The following TMEM232 variants were observed in gnomAD, a reference collection of about 807,000 sequenced individuals.
TMEM232 encodes transmembrane protein 232.
In TMEM232, 80 loss-of-function variants were observed where a neutral mutation model predicts 78.8. The ratio of observed to expected loss-of-function variants is 1.01; its 90% CI spans 0.85 to 1.22. The LOEUF (loss-of-function observed/expected upper bound fraction) is 1.22. TMEM232 is among the 50% of genes most tolerant of loss of function. The probability of loss-of-function intolerance (pLI) is 0.00; values close to 1 mark genes in which losing one functional copy is unlikely to be tolerated. For synonymous variants in TMEM232, 297 were observed against 254.3 expected (o/e 1.17, Z -1.60); for missense variants, 881 against 742.2 (o/e 1.19, Z -2.17).
At chr5:110,537,269 G>A (rs996584532) in intron 11 of TMEM232, among the ~76,000 whole-genome samples, 1 of 150,362 alleles carries the variant, frequency 6.7e-6, no homozygotes, top group Non-Finnish European at 1.5e-5. Flanking sequence ...ATAATCTAAA[G>A]AGAAAACTTA....
In TMEM232 at chr5:110,638,324, G is replaced by A; in HGVS notation, c.375C>T (p.Asp125=). The A allele has an allele frequency of 1.3e-6, 2 of 1,548,910 alleles. No homozygotes were observed. The highest frequency in any genetic ancestry group is 8.7e-7 in the Non-Finnish European group (1 of 1,145,944). ...GATGATCATAATCAAAGGAAGCATG[G>A]TCCAGAGATGCATAAAGCATATTTA... The part of the protein sequence containing the change: ...ESLNMLYASL[D]HASFDYDHLP... Residue 125 remains aspartate (D), a synonymous_variant, in exon 5 of 14, where the codon GAC becomes GAT. Transcript: ENST00000455884.
At chr5:110,412,331 T>C (rs1475146727) in intron 2 of TMEM232, among the ~76,000 whole-genome samples, 3 of 152,206 alleles carry the variant, frequency 2.0e-5, no homozygotes, top group Admixed American at 6.5e-5. Context: ...GGAAAGTTAT[T>C]GCCAAATCCA....
At chr5:110,451,250 CTCTT>C (rs957256119) in intron 12 of TMEM232, among the ~76,000 whole-genome samples, 6 of 152,156 alleles carry the variant, frequency 3.9e-5, no homozygotes, top group African/African-American at 1.2e-4. Flanking sequence ...GTGCATCTAT[CTCTT>C]TCTTTAAATC....
chr5:110,587,691 A>ATATATATG (rs1209205049), intron 10 of TMEM232, among the ~76,000 whole-genome samples: 120 of 63,098 alleles, frequency 1.9e-3, no homozygotes, highest in Non-Finnish European at 2.6e-3. Context: ...ATATATATAT[A>ATATATATG]TGTGTGTGTG....
At chr5:110,574,068 G>T (rs1777280620) in intron 10 of TMEM232, among the ~76,000 whole-genome samples, 1 of 151,858 alleles carries the variant, frequency 6.6e-6, no homozygotes, top group African/African-American at 2.4e-5. Context: ...TAAGATGCTT[G>T]TTAAATATTA....
At chr5:110,554,324 C>T (rs968006547) in intron 11 of TMEM232, among the ~76,000 whole-genome samples, 2 of 152,062 alleles carry the variant, frequency 1.3e-5, no homozygotes, top group African/African-American at 4.8e-5. Context: ...TGCTTTCTGC[C>T]CCCGACCCCC....
In TMEM232 at chr5:110,640,887, G is replaced by T. The variant is rs10043185; in HGVS notation, c.343+4C>A. On this transcript the variant is annotated splice_donor_region_variant and intron_variant, in intron 4 of 13. Transcript: ENST00000455884. ...GATGCCTAATAAGAATTTAAAGTAC[G>T]TACCATCTTGGATTTCCCCTTTGCA... The T allele has an allele frequency of 1.1e-5, 17 of 1,507,298 alleles. No individual in the cohort carries two copies. Among genetic ancestry groups the T allele is most frequent in the African/African-American group, 1.4e-5 (1 of 71,568 alleles). The allele number at this position is 1,507,298 out of a possible 1,614,324, so 93.4% of individuals were successfully genotyped here.
chr5:110,420,776 T>C lies in TMEM232; in HGVS notation c.1798-20A>G. On this transcript the variant is annotated intron_variant, in intron 13 of 13. Transcript: ENST00000455884. Reference sequence around the variant, plus strand: ...CTGCCACTGTTACAGAGAGAAAACGTCATTCACATGATTTTCCATGAAAAA... The same window carrying C: ...CTGCCACTGTTACAGAGAGAAAACGCCATTCACATGATTTTCCATGAAAAA... The C allele has an allele frequency of 1.3e-6, 2 of 1,489,266 alleles. No homozygotes were observed. Among genetic ancestry groups the C allele is most frequent in the Non-Finnish European group, 1.8e-6 (2 of 1,132,458 alleles). 92.3% of individuals were successfully genotyped at this position (1,489,266 alleles called of 1,614,324 possible).
upstream of TMEM232, among the ~76,000 whole-genome samples, chr5:110,727,352 C>T (rs144749758): frequency 5.1e-4 from 78 of 152,312 alleles, 1 homozygote; most frequent in East Asian, 0.012. Flanking sequence ...TGGCTCATGC[C>T]TGTTATCCCA....
At chr5:110,493,106 GAAA>G (rs1214571524) in intron 12 of TMEM232, among the ~76,000 whole-genome samples, 2 of 151,196 alleles carry the variant, frequency 1.3e-5, no homozygotes, top group East Asian at 3.9e-4. Context: ...ACCCATACAA[GAAA>G]AAAAATTAGA....
upstream of TMEM232, among the ~76,000 whole-genome samples, chr5:110,730,024 T>C (rs1798529165): frequency 6.6e-6 from 1 of 152,122 alleles, no homozygotes; most frequent in Admixed American, 6.5e-5. Flanking sequence ...TTATCAAAAT[T>C]TTACCTAGAG....
At chr5:110,669,626 T>A (rs1791094487) in intron 1 of TMEM232, among the ~76,000 whole-genome samples, 1 of 152,164 alleles carries the variant, frequency 6.6e-6, no homozygotes, top group Non-Finnish European at 1.5e-5. Context: ...CCCTAACTCA[T>A]TTTATGAGGC....
At chr5:110,399,042 C>G (rs1277772886) in intron 2 of TMEM232, among the ~76,000 whole-genome samples, 1 of 151,922 alleles carries the variant, frequency 6.6e-6, no homozygotes, top group Non-Finnish European at 1.5e-5. Context: ...CTGTGAGCCA[C>G]TTATGTACTT....
intron 1 of TMEM232, among the ~76,000 whole-genome samples, chr5:110,705,422 G>T (rs548389940): frequency 6.6e-6 from 1 of 152,136 alleles, no homozygotes; most frequent in African/African-American, 2.4e-5. Context: ...ATAAGGGTTG[G>T]AAGCTGCATG....
chr5:110,678,915 A>G (rs1271541529), intron 1 of TMEM232, among the ~76,000 whole-genome samples: 1 of 152,106 alleles, frequency 6.6e-6, no homozygotes, highest in East Asian at 1.9e-4. Flanking sequence ...ACTGTTTTCC[A>G]TTTATCTACT....
chr5:110,450,494 A>G (rs535083723), intron 12 of TMEM232, among the ~76,000 whole-genome samples: 1 of 151,862 alleles, frequency 6.6e-6, no homozygotes, highest in Non-Finnish European at 1.5e-5. Context: ...CTTATTAACT[A>G]TTGCGAGTTA....
chr5:110,430,282 G>T (rs1356863448), intron 12 of TMEM232, among the ~76,000 whole-genome samples: 2 of 150,988 alleles, frequency 1.3e-5, no homozygotes, highest in Non-Finnish European at 3.0e-5. Context: ...TTAGCTTTGT[G>T]GTATTATACT....
chr5:110,650,600 A>T (rs1279764636), intron 2 of TMEM232, among the ~76,000 whole-genome samples: 1 of 152,158 alleles, frequency 6.6e-6, no homozygotes, highest in Non-Finnish European at 1.5e-5. Flanking sequence ...TGAGAAAAAC[A>T]TCAGAAAAAT....
chr5:110,485,499 ATTCTT>A (rs1380543913), intron 12 of TMEM232, among the ~76,000 whole-genome samples: 1 of 152,114 alleles, frequency 6.6e-6, no homozygotes, highest in African/African-American at 2.4e-5. Context: ...CCATTGTATC[ATTCTT>A]ATGCTTTTGC....
Sources: allele counts gnomAD v4.1 joint callset (sites outside exome capture counted in the v4.1 genomes callset), GRCh38; gene constraint gnomAD v4.1.1; transcripts MANE v1.5; gene names NCBI Gene and HGNC (gene_info 2026-07-23, HGNC 2026-07-21).